Variants in CREB1 observed in about 807,000 individuals in gnomAD.
CREB1 encodes the protein cyclic AMP-responsive element-binding protein 1.
Under a neutral mutation model 42.0 loss-of-function variants are expected in CREB1, and 2 were observed. The ratio of observed to expected loss-of-function variants is 0.05; its 90% CI spans 0.02 to 0.15. The LOEUF is 0.15. Ranked by LOEUF, CREB1 falls within the 10% of genes least tolerant of loss-of-function variation. CREB1 has a pLI of 1.00. For synonymous variants in CREB1, 123 were observed against 139.9 expected (o/e 0.88, Z 0.85); for missense variants, 199 against 388.9 (o/e 0.51, Z 4.11).
intron 2 of CREB1, among the ~76,000 whole-genome samples, chr2:207,557,791 CTG>C (rs1280114739): frequency 2.6e-5 from 4 of 151,962 alleles, no homozygotes; most frequent in African/African-American, 7.3e-5. Flanking sequence ...TTTTTTATAT[CTG>C]TATTTTATAA....
At chr2:207,537,046 A>G (rs1318362492) in intron 1 of CREB1, among the ~76,000 whole-genome samples, 1 of 73,078 alleles carries the variant, frequency 1.4e-5, no homozygotes, top group Admixed American at 1.8e-4. Flanking sequence ...AAATGTTTAC[A>G]AAGTGCTTTG....
intron 5 of CREB1, among the ~76,000 whole-genome samples, chr2:207,572,840 C>T (rs1360217576): frequency 6.6e-6 from 1 of 151,656 alleles, no homozygotes; most frequent in Non-Finnish European, 1.5e-5. Context: ...GTGGAATTAT[C>T]AAATTAAAGC....
intron 7 of CREB1, chr2:207,582,100 A>G: frequency 1.4e-6 from 1 of 702,794 alleles, no homozygotes; most frequent in Admixed American, 2.0e-5. Context: ...TCCACTGTTG[A>G]GCTACCATTT....
At chr2:207,588,872 A>G (rs1025306525) in intron 7 of CREB1, among the ~76,000 whole-genome samples, 1 of 135,616 alleles carries the variant, frequency 7.4e-6, no homozygotes, top group Non-Finnish European at 1.6e-5. Context: ...TTTACTTATT[A>G]GTTCTAGGAG....
intron 7 of CREB1, among the ~76,000 whole-genome samples, chr2:207,583,098 A>G (rs777616678): frequency 6.6e-6 from 1 of 152,152 alleles, no homozygotes; most frequent in Admixed American, 6.5e-5. Flanking sequence ...AACTATTTAC[A>G]TAGTATTTAC....
intron 1 of CREB1, among the ~76,000 whole-genome samples, chr2:207,531,459 C>T (rs2080625702): frequency 6.6e-6 from 1 of 152,158 alleles, no homozygotes; most frequent in Non-Finnish European, 1.5e-5. Flanking sequence ...AAGAGGACAG[C>T]AGAAAAGTCA....
intron 1 of CREB1, among the ~76,000 whole-genome samples, chr2:207,545,209 TTTTTG>T (rs1277552447): frequency 1.3e-5 from 2 of 152,148 alleles, no homozygotes; most frequent in African/African-American, 4.8e-5. Context: ...GGTTCTTTTA[TTTTTG>T]TTTTGTTTTG....
chr2:207,553,592 TA>T (rs1270892281), intron 1 of CREB1, among the ~76,000 whole-genome samples: 1 of 152,200 alleles, frequency 6.6e-6, no homozygotes. Context: ...TAATTTCATA[TA>T]AAAAAGTATC....
intron 7 of CREB1, chr2:207,582,276 A>G (rs1259936001): frequency 3.1e-6 from 2 of 643,842 alleles, no homozygotes; most frequent in Non-Finnish European, 2.8e-6. Flanking sequence ...TTCTCTTTAA[A>G]GTTTTGCCCA....
intron 7 of CREB1, among the ~76,000 whole-genome samples, chr2:207,585,550 A>G (rs1347864365): frequency 1.3e-5 from 2 of 152,240 alleles, no homozygotes; most frequent in Admixed American, 1.3e-4. Flanking sequence ...CTCCAAAGGA[A>G]CACAATAATT....
In CREB1 at chr2:207,575,575, C is replaced by T. The variant is rs553453322; in HGVS notation, c.688+121C>T. The T allele has an allele frequency of 1.1e-5, 9 of 822,596 alleles. No homozygotes were observed. The Middle Eastern group carries it at 9.9e-4, about 90-fold the overall frequency. The allele number at this position is 822,596 out of a possible 1,614,324, so 51.0% of individuals were successfully genotyped here. A position where few individuals can be genotyped will look rare whatever the true frequency, so the allele number is the denominator to read the frequency against. Reference sequence around the variant, plus strand: ...CATTCAAATGTAGTTAACATTTCTTCAATATTGATAGTATTTTTCATGAAC... The same window carrying T: ...CATTCAAATGTAGTTAACATTTCTTTAATATTGATAGTATTTTTCATGAAC... On this transcript the variant is annotated intron_variant, in intron 6 of 7. Coordinates refer to ENST00000353267, the MANE Select transcript of CREB1 (RefSeq NM_004379.5).
At chr2:207,540,669 TAAAAAAAAAAAAAAA>T (rs35714520) in intron 1 of CREB1, among the ~76,000 whole-genome samples, 18 of 64,270 alleles carry the variant, frequency 2.8e-4, no homozygotes, top group African/African-American at 9.1e-4. Flanking sequence ...GTTTAAAAAG[TAAAAAAAAAAAAAAA>T]AAAAAAAAAA....
intron 1 of CREB1, among the ~76,000 whole-genome samples, chr2:207,534,114 C>G (rs2080767238): frequency 6.6e-6 from 1 of 152,240 alleles, no homozygotes; most frequent in African/African-American, 2.4e-5. Context: ...ACCTCACTTT[C>G]CTTTCTGATC....
chr2:207,555,812 A>G, intron 2 of CREB1, 63 bp downstream of exon 2: 3 of 1,067,874 alleles, frequency 2.8e-6, no homozygotes, highest in Middle Eastern at 4.0e-4. Flanking sequence ...TTTCCAAGAG[A>G]ATTTAGTTGT....
In CREB1 at chr2:207,567,495, G is replaced by A. The variant is rs2082184171; in HGVS notation, c.294G>A (p.Gln98=). Residue 98 remains glutamine, a synonymous_variant, in exon 4 of 8, where the codon CAG becomes CAA. Transcript: ENST00000353267. Reference sequence around the variant, plus strand: ...CTATTGCAGAAAGTGAAGATTCACAGGAGTCAGTGGATAGTGTAACTGATT... The same window carrying A: ...CTATTGCAGAAAGTGAAGATTCACAAGAGTCAGTGGATAGTGTAACTGATT... ...ISTIAESEDS[Q]ESVDSVTDSQ... is the part of the protein sequence containing the mutation. 6.2e-7 allele frequency: 1 copy of A among 1,611,078 alleles called. No individual in the cohort carries two copies. Among genetic ancestry groups the A allele is most frequent in the Non-Finnish European group, 8.5e-7 (1 of 1,178,118 alleles).
chr2:207,546,562 A>G (rs2106400152), intron 1 of CREB1, among the ~76,000 whole-genome samples: 1 of 151,746 alleles, frequency 6.6e-6, no homozygotes, highest in Admixed American at 6.6e-5. Flanking sequence ...CCCCATCTCT[A>G]CTAAAAATAA....
intron 1 of CREB1, among the ~76,000 whole-genome samples, chr2:207,541,578 A>G (rs1418034239): frequency 6.6e-6 from 1 of 152,172 alleles, no homozygotes; most frequent in African/African-American, 2.4e-5. Flanking sequence ...TTTCTAACCT[A>G]ATTAACTAAT....
intron 2 of CREB1, among the ~76,000 whole-genome samples, chr2:207,557,242 A>G (rs1392958890): frequency 6.6e-6 from 1 of 152,108 alleles, no homozygotes; most frequent in African/African-American, 2.4e-5. Flanking sequence ...GGTTGTCCCC[A>G]GAGTAGGCTG....
At chr2:207,595,398 A>G (rs2085944211) in intron 7 of CREB1, among the ~76,000 whole-genome samples, 1 of 151,996 alleles carries the variant, frequency 6.6e-6, no homozygotes, top group African/African-American at 2.4e-5. Context: ...GTTGAGTTCA[A>G]AAGTTCTTTA....
Sources: allele counts gnomAD v4.1 joint callset (sites outside exome capture counted in the v4.1 genomes callset), GRCh38; gene constraint gnomAD v4.1.1; transcripts MANE v1.5; gene names NCBI Gene and HGNC (gene_info 2026-07-23, HGNC 2026-07-21).